Variants in CC2D2A observed in about 807,000 individuals in gnomAD.
The protein encoded by CC2D2A is coiled-coil and C2 domain-containing protein 2A.
In CC2D2A, 155 loss-of-function variants were observed where a neutral mutation model predicts 212.9. The observed-to-expected ratio is 0.73, with a 90% CI of 0.64 to 0.83. The LOEUF (loss-of-function observed/expected upper bound fraction) is 0.83, where lower values mean the gene tolerates loss of function less well. Ranked by LOEUF, CC2D2A falls within the 40% of genes least tolerant of loss-of-function variation. The pLI is 0.00. For synonymous variants in CC2D2A, 667 were observed against 686.5 expected (o/e 0.97, Z 0.44); for missense variants, 1,856 against 1,956.2 (o/e 0.95, Z 0.97).
intron 4 of CC2D2A, chr4:15,482,401 C>A: frequency 1.5e-6 from 1 of 658,742 alleles, no homozygotes; most frequent in Non-Finnish European, 1.9e-6. Flanking sequence ...TTTCTCATGG[C>A]TCTGAAGGCT....
At chr4:15,593,300 C>A (rs1442097799) in intron 33 of CC2D2A, among the ~76,000 whole-genome samples, 3 of 152,134 alleles carry the variant, frequency 2.0e-5, no homozygotes, top group Non-Finnish European at 4.4e-5. Flanking sequence ...TTGTCTTGAG[C>A]CAATTTTCTG....
chr4:15,516,078 G>A lies in CC2D2A; in HGVS notation c.1017+74G>A, dbSNP rs1391406977. ...TAGCTTTTATTTTCCTAACAGGGCA[G>A]TCATTGCATCCACTGTACTCATTTC... is the stretch of plus-strand genomic sequence containing the variant. On this transcript the variant is annotated intron_variant, in intron 10 of 36. Transcript: ENST00000424120. The A allele has an allele frequency of 1.3e-5, 18 of 1,398,132 alleles. No homozygotes were observed. In the Admixed American group the frequency reaches 4.8e-4, roughly 38 times the overall value. The allele number at this position is 1,398,132 out of a possible 1,614,324, so 86.6% of individuals were successfully genotyped here. A position where few individuals can be genotyped will look rare whatever the true frequency, so the allele number is the denominator to read the frequency against.
At chr4:15,514,294 G>T (rs750541505) in intron 8 of CC2D2A, among the ~76,000 whole-genome samples, 1 of 152,184 alleles carries the variant, frequency 6.6e-6, no homozygotes, top group East Asian at 1.9e-4. Flanking sequence ...CAGGGTGTGT[G>T]GACTGTGCAC....
intron 33 of CC2D2A, among the ~76,000 whole-genome samples, chr4:15,595,332 A>G (rs1373118964): frequency 6.6e-6 from 1 of 152,240 alleles, no homozygotes; most frequent in African/African-American, 2.4e-5. Flanking sequence ...TAAGGCACAT[A>G]GTGAATGTCC....
At chr4:15,531,316 C>G (rs1040405917) in intron 13 of CC2D2A, among the ~76,000 whole-genome samples, 2 of 152,176 alleles carry the variant, frequency 1.3e-5, no homozygotes, top group South Asian at 4.1e-4. Flanking sequence ...CCTGTCAGGA[C>G]AGCCTGCATC....
At chr4:15,487,264 G>T (rs929520652) in intron 4 of CC2D2A, among the ~76,000 whole-genome samples, 2 of 151,982 alleles carry the variant, frequency 1.3e-5, no homozygotes, top group African/African-American at 4.8e-5. Context: ...TATTATTAAT[G>T]GGAGACTTGT....
At chr4:15,541,971 C>A (rs1718478986) in intron 17 of CC2D2A, among the ~76,000 whole-genome samples, 1 of 152,084 alleles carries the variant, frequency 6.6e-6, no homozygotes, top group Non-Finnish European at 1.5e-5. Context: ...TCTTTCCCTG[C>A]CTCTTCCAGC....
intron 30 of CC2D2A, among the ~76,000 whole-genome samples, chr4:15,580,691 A>ATG (rs1720625967): frequency 6.6e-6 from 1 of 151,556 alleles, no homozygotes; most frequent in Non-Finnish European, 1.5e-5. Context: ...CAGTTTCCAT[A>ATG]TGTTGGAAAA....
rs561394098 is a variant in CC2D2A, at chr4:15,481,237, G to T, written c.247+410G>T. 1.5e-5 allele frequency: 7 copies of T among 454,944 alleles called. No homozygotes were observed. Among genetic ancestry groups the T allele is most frequent in the Non-Finnish European group, 2.6e-5 (6 of 226,848 alleles). The allele number at this position is 454,944 out of a possible 1,614,324, so 28.2% of individuals were successfully genotyped here. On this transcript the variant is annotated intron_variant, in intron 4 of 36. Transcript: ENST00000424120. Reference sequence around the variant, plus strand: ...AAAAGAGCCTGGGCAGGCCAGGCACGGTGACTCACGTCTGTAATCCCAGCA... The same window carrying T: ...AAAAGAGCCTGGGCAGGCCAGGCACTGTGACTCACGTCTGTAATCCCAGCA...
intron 4 of CC2D2A, among the ~76,000 whole-genome samples, chr4:15,495,792 C>T (rs1410612156): frequency 6.6e-6 from 1 of 152,134 alleles, no homozygotes; most frequent in Non-Finnish European, 1.5e-5. Context: ...ATTTTAAGTT[C>T]TTTGGGAAAT....
At chr4:15,472,263 A>G (rs1001226652) in intron 1 of CC2D2A, among the ~76,000 whole-genome samples, 2 of 152,232 alleles carry the variant, frequency 1.3e-5, no homozygotes, top group Non-Finnish European at 1.5e-5. Context: ...TGGGGCACAT[A>G]CTACTAAGCC....
intron 28 of CC2D2A, among the ~76,000 whole-genome samples, chr4:15,573,033 C>G (rs1264777193): frequency 6.6e-6 from 1 of 152,154 alleles, no homozygotes; most frequent in Non-Finnish European, 1.5e-5. Context: ...ATGCTGGCAG[C>G]TGATCAGATG....
At chr4:15,552,445 C>T (rs879270124) in intron 18 of CC2D2A, among the ~76,000 whole-genome samples, 7 of 152,138 alleles carry the variant, frequency 4.6e-5, no homozygotes, top group Non-Finnish European at 1.0e-4. Flanking sequence ...CCTGGCCACC[C>T]CTTCTAAAAG....
chr4:15,567,231 T>G, intron 24 of CC2D2A, 146 bp from the exon 25 acceptor site: 1 of 626,284 alleles, frequency 1.6e-6, no homozygotes, highest in Non-Finnish European at 2.8e-6. Context: ...TGCAGTGAGC[T>G]GAGATTGCAC....
intron 4 of CC2D2A, among the ~76,000 whole-genome samples, chr4:15,496,524 G>A (rs900001782): frequency 6.6e-6 from 1 of 152,066 alleles, no homozygotes; most frequent in Non-Finnish European, 1.5e-5. Context: ...AAGATCAGAT[G>A]GTTGTAGATG....
intron 20 of CC2D2A, among the ~76,000 whole-genome samples, chr4:15,555,794 ATAT>A (rs79839000): frequency 2.6e-5 from 4 of 152,288 alleles, no homozygotes; most frequent in South Asian, 2.1e-4. Flanking sequence ...TGAGCAGTAA[ATAT>A]TGTTGTTGTT....
At chr4:15,574,590 G>C (rs1420099938) in intron 29 of CC2D2A, among the ~76,000 whole-genome samples, 1 of 152,154 alleles carries the variant, frequency 6.6e-6, no homozygotes, top group Admixed American at 6.5e-5. Flanking sequence ...TTTAGTCAAA[G>C]CAAGACAAAT....
At chr4:15,533,936 C>T (rs1247733061) in intron 14 of CC2D2A, among the ~76,000 whole-genome samples, 5 of 152,146 alleles carry the variant, frequency 3.3e-5, no homozygotes, top group Non-Finnish European at 7.3e-5. Context: ...AAACGTATTC[C>T]AGAAGTTGTG....
intron 12 of CC2D2A, among the ~76,000 whole-genome samples, chr4:15,528,282 C>T (rs996972302): frequency 1.3e-5 from 2 of 152,168 alleles, no homozygotes; most frequent in Non-Finnish European, 2.9e-5. Context: ...CATCATATGT[C>T]CTGGACCCAG....
Sources: allele counts gnomAD v4.1 joint callset (sites outside exome capture counted in the v4.1 genomes callset), GRCh38; gene constraint gnomAD v4.1.1; transcripts MANE v1.5; gene names NCBI Gene and HGNC (gene_info 2026-07-23, HGNC 2026-07-21).